The following ATP2A1 variants were observed in gnomAD, a reference collection of about 807,000 sequenced individuals.
The protein encoded by ATP2A1 is sarcoplasmic/endoplasmic reticulum calcium ATPase 1.
ATP2A1 carries 83 observed loss-of-function variants against 109.5 expected under a neutral mutation model. The ratio of observed to expected loss-of-function variants is 0.76; its 90% CI spans 0.63 to 0.91. The LOEUF (loss-of-function observed/expected upper bound fraction) is 0.91, where lower values mean the gene tolerates loss of function less well. Ranked by LOEUF, ATP2A1 falls within the 40% of genes least tolerant of loss-of-function variation. ATP2A1 has a pLI of 0.00. For missense variants in ATP2A1, 1,101 were observed against 1,341.0 expected (o/e 0.82, Z 2.80); for synonymous variants, 505 against 537.6 (o/e 0.94, Z 0.84).
At chr16:28,900,139 TA>T (rs879265799) in intron 14 of ATP2A1, among the ~76,000 whole-genome samples, 51 of 144,284 alleles carry the variant, frequency 3.5e-4, no homozygotes, top group African/African-American at 5.6e-4. Flanking sequence ...TACTAAAAAT[TA>T]AAAAAAAAAA....
At chr16:28,896,952 G>T (rs2152210920) in intron 12 of ATP2A1, among the ~76,000 whole-genome samples, 1 of 152,096 alleles carries the variant, frequency 6.6e-6, no homozygotes, top group Non-Finnish European at 1.5e-5. Context: ...ATGGTGGCGT[G>T]TGCCTGTAAT....
At chr16:28,881,161 AGT>A (rs1359151423) in intron 4 of ATP2A1, 142 bp downstream of exon 4, 3 of 873,604 alleles carry the variant, frequency 3.4e-6, no homozygotes, top group Non-Finnish European at 5.6e-6. Flanking sequence ...AATGGGATGG[AGT>A]GTGGGGAAGA....
chr16:28,904,183 C>G lies in ATP2A1; in HGVS notation c.*41C>G. On this transcript the variant is annotated 3_prime_UTR_variant, in exon 23 of 23. Transcript: ENST00000395503. Reference sequence around the variant, plus strand: ...TCCCTTCTCTTTCCCCTTCCAGATCCAGAAGATGAAAGAAGGAAGTGAGCA... The same window carrying G: ...TCCCTTCTCTTTCCCCTTCCAGATCGAGAAGATGAAAGAAGGAAGTGAGCA... 1 of 1,611,658 alleles carries G rather than the reference C, an allele frequency of 6.2e-7. No homozygotes were observed.
chr16:28,900,446 A>C, intron 14 of ATP2A1, 135 bp from the exon 15 acceptor site: 3 of 859,754 alleles, frequency 3.5e-6, no homozygotes, highest in Non-Finnish European at 3.4e-6. Context: ...TGAGGCGGCA[A>C]GCCCAGGGTT....
intron 5 of ATP2A1, 123 bp downstream of exon 5, chr16:28,882,712 C>G (rs1254446983): frequency 6.9e-7 from 1 of 1,453,780 alleles, no homozygotes; most frequent in African/African-American, 1.4e-5. Flanking sequence ...CTTCTCTTTC[C>G]GACTCCTCAG....
At chr16:28,897,924 T>C (rs1044228484) in intron 12 of ATP2A1, 76 bp from the exon 13 acceptor site, 16 of 1,569,506 alleles carry the variant, frequency 1.0e-5, no homozygotes, top group Non-Finnish European at 1.4e-5. Context: ...AGCCTTAGCT[T>C]GGGGTCTGCT....
chr16:28,884,688 G>A, intron 6 of ATP2A1, 33 bp downstream of exon 6: 1 of 1,582,380 alleles, frequency 6.3e-7, no homozygotes, highest in Non-Finnish European at 8.7e-7. Flanking sequence ...ATGCATGGGG[G>A]TGGGACGTGG....
chr16:28,893,515 A>T (rs1176582674), intron 9 of ATP2A1, among the ~76,000 whole-genome samples: 1 of 152,200 alleles, frequency 6.6e-6, no homozygotes, highest in Non-Finnish European at 1.5e-5. Context: ...CTGGAGCTGT[A>T]GATGGTCCAG....
intron 1 of ATP2A1, 59 bp downstream of exon 1, chr16:28,878,848 A>G: frequency 6.5e-7 from 1 of 1,532,326 alleles, no homozygotes; most frequent in South Asian, 1.1e-5. Flanking sequence ...CCCAAAACAC[A>G]CGCACACGCA....
At chr16:28,895,570 A>T (rs1963898204) in intron 12 of ATP2A1, among the ~76,000 whole-genome samples, 1 of 152,090 alleles carries the variant, frequency 6.6e-6, no homozygotes, top group African/African-American at 2.4e-5. Flanking sequence ...TCACGCCTAT[A>T]GTCCCAGCAT....
In ATP2A1 at chr16:28,880,823, T is replaced by C. The variant is rs1016773912; in HGVS notation, c.220-92T>C. The stretch of plus-strand genomic sequence containing the variant: ...CCTCCTGCTGGCTCCTGCACTCTCC[T>C]GCACAGTTCTCCCCTTTGCAGTGGT... On this transcript the variant is annotated intron_variant, in intron 3 of 22. Transcript: ENST00000395503. The surrounding 1 kb of genome is among the most constrained non-coding windows in gnomAD (Gnocchi z 4.2). 1 of 1,279,210 alleles carries C rather than the reference T, an allele frequency of 7.8e-7. No individual in the cohort carries two copies. Among genetic ancestry groups the C allele is most frequent in the African/African-American group, 1.5e-5 (1 of 68,106 alleles). 79.2% of individuals were successfully genotyped at this position (1,279,210 alleles called of 1,614,324 possible). A position where few individuals can be genotyped will look rare whatever the true frequency, so the allele number is the denominator to read the frequency against.
At chr16:28,879,064 A>G (rs1477000126) in intron 1 of ATP2A1, 35 bp from the exon 2 acceptor site, 4 of 1,613,870 alleles carry the variant, frequency 2.5e-6, no homozygotes, top group South Asian at 2.2e-5. Flanking sequence ...CTGAACCCCA[A>G]ATGAATCTGT....
In ATP2A1 at chr16:28,898,257, C is replaced by T. The variant is rs770209644; in HGVS notation, c.1570C>T (p.Arg524Cys). 18 of 1,614,090 alleles carry T rather than the reference C, an allele frequency of 1.1e-5. No individual in the cohort carries two copies. The African/African-American group carries it at 1.6e-4, about 14-fold the overall frequency. ...GGGTGCCCCTGAGGGCGTCATCGAC[C>T]GCTGTAACTATGTGCGAGTTGGCAC... ...VKGAPEGVID[R>C]CNYVRVGTTR... The change falls in exon 14 of 23, where the codon CGC becomes TGC. Residue 524 changes from arginine (R) to cysteine (C), a missense_variant. Transcript: ENST00000395503. The surrounding 1 kb of genome is among the most constrained non-coding windows in gnomAD (Gnocchi z 4.0).
At chr16:28,893,651 T>G (rs1261275952) in intron 9 of ATP2A1, among the ~76,000 whole-genome samples, 2 of 115,106 alleles carry the variant, frequency 1.7e-5, no homozygotes, top group South Asian at 3.3e-4. Flanking sequence ...GTGGGTTTTT[T>G]TTTGTTTTTT....
At position 28,879,096 on chromosome 16, in the gene ATP2A1, T is replaced by C. The variant is rs775186108; in HGVS notation, c.119-3T>C. On this transcript the variant is annotated splice_polypyrimidine_tract_variant and splice_region_variant and intron_variant, in intron 1 of 22. Transcript: ENST00000395503. The stretch of plus-strand genomic sequence containing the variant: ...CTGTCCTTTTCTTCTTTTTCCTGGG[T>C]AGAGCTCCCTGCTGAGGAAGGTAAG... 1 of 1,613,894 alleles carries C rather than the reference T, an allele frequency of 6.2e-7. No individual in the cohort carries two copies. Among genetic ancestry groups the C allele is most frequent in the Non-Finnish European group, 8.5e-7 (1 of 1,179,988 alleles).
chr16:28,879,908 G>A (rs1430274150), intron 3 of ATP2A1: 2 of 796,378 alleles, frequency 2.5e-6, no homozygotes, highest in Non-Finnish European at 3.2e-6. Flanking sequence ...GCCGGCTGCG[G>A]CGCGGGGGGC....
intron 12 of ATP2A1, 26 bp downstream of exon 12, chr16:28,894,979 G>A (rs181561914): frequency 2.9e-5 from 47 of 1,609,050 alleles, no homozygotes; most frequent in Admixed American, 2.7e-4. Context: ...CCCTGCCACA[G>A]GGCCGTCTCC....
At chr16:28,894,126 A>C in intron 9 of ATP2A1, 29 bp from the exon 10 acceptor site, 2 of 1,600,220 alleles carry the variant, frequency 1.2e-6, no homozygotes, top group East Asian at 4.5e-5. Flanking sequence ...AGAGGTGGAC[A>C]TCTGTGTGCC....
At chr16:28,885,925 G>C (rs1963603185) in intron 6 of ATP2A1, among the ~76,000 whole-genome samples, 1 of 152,002 alleles carries the variant, frequency 6.6e-6, no homozygotes, top group Admixed American at 6.6e-5. Flanking sequence ...CAGTGCTTTG[G>C]GAGGCTGAGG....
Sources: allele counts gnomAD v4.1 joint callset (sites outside exome capture counted in the v4.1 genomes callset), GRCh38; gene constraint gnomAD v4.1.1; non-coding constraint Gnocchi (gnomAD v3.1); transcripts MANE v1.5; gene names NCBI Gene and HGNC (gene_info 2026-07-23, HGNC 2026-07-21).